Variants in EBF2 observed in about 807,000 individuals in gnomAD.
The protein encoded by EBF2 is EBF transcription factor 2, also known as transcription factor COE2.
Under a neutral mutation model 72.8 loss-of-function variants are expected in EBF2, and 21 were observed. The observed-to-expected ratio is 0.29, with a 90% CI of 0.20 to 0.42. EBF2 has a LOEUF of 0.42. EBF2 is among the 10% of genes least tolerant of loss of function. The pLI is 1.00. For synonymous variants in EBF2, 299 were observed against 274.2 expected, an observed-to-expected ratio of 1.09 and a Z score of -0.89; for missense variants, 637 against 731.2, an observed-to-expected ratio of 0.87 and a Z score of 1.49.
At chr8:25,889,712 A>C in intron 8 of EBF2, 40 bp downstream of exon 8, 1 of 1,495,588 alleles carries the variant, frequency 6.7e-7, no homozygotes, top group Non-Finnish European at 9.3e-7. Flanking sequence ...ATTCGTGGAG[A>C]ATTTCATGTG....
intron 6 of EBF2, among the ~76,000 whole-genome samples, chr8:25,987,702 C>T (rs754166332): frequency 2.6e-5 from 4 of 152,138 alleles, no homozygotes; most frequent in Non-Finnish European, 5.9e-5. Context: ...TTGAATGCTT[C>T]TGTATCGTGC....
At chr8:25,857,917 A>T (rs575136462) in intron 14 of EBF2, 2 of 349,536 alleles carry the variant, frequency 5.7e-6, no homozygotes, top group South Asian at 4.7e-5. Flanking sequence ...CAGCAAAGCC[A>T]AACTTCCTTG....
At chr8:25,970,517 C>A (rs954133335) in intron 6 of EBF2, among the ~76,000 whole-genome samples, 1 of 152,052 alleles carries the variant, frequency 6.6e-6, no homozygotes, top group Non-Finnish European at 1.5e-5. Flanking sequence ...CTCCCCAACA[C>A]CCCCTCCCCA....
rs576932962 is a variant in EBF2, at chr8:26,018,624, T to C, written c.551+14461A>G. On this transcript the variant is annotated intron_variant, in intron 6 of 15. Transcript: ENST00000520164. ...AGGCGGAGGTTGCAGTGAGCCGAGA[T>C]TGTGCCACTGCACTCCAGCCTGGGT... Among the ~76,000 whole-genome samples the C allele has an allele frequency of 2.0e-5, 3 of 151,748 alleles. No individual in the cohort carries two copies. In the South Asian group the frequency reaches 6.3e-4, roughly 32 times the overall value.
intron 10 of EBF2, among the ~76,000 whole-genome samples, chr8:25,879,637 A>G: frequency 6.6e-6 from 1 of 151,790 alleles, no homozygotes; most frequent in Non-Finnish European, 1.5e-5. Context: ...GGGACAGCCC[A>G]CTCTCCTGGT....
intron 6 of EBF2, among the ~76,000 whole-genome samples, chr8:25,986,017 A>AAAAAAAAAG (rs1804448165): frequency 1.3e-5 from 2 of 149,566 alleles, no homozygotes; most frequent in African/African-American, 2.5e-5. Context: ...AAAAAAAAAA[A>AAAAAAAAAG]AAAAAAAAGT....
At chr8:25,987,492 C>A (rs1202415472) in intron 6 of EBF2, among the ~76,000 whole-genome samples, 1 of 152,142 alleles carries the variant, frequency 6.6e-6, no homozygotes. Flanking sequence ...AAAACACAAC[C>A]ATCGTATCAC....
chr8:25,892,635 T>C (rs898439656), intron 7 of EBF2, among the ~76,000 whole-genome samples: 1 of 152,208 alleles, frequency 6.6e-6, no homozygotes, highest in Non-Finnish European at 1.5e-5. Flanking sequence ...CATAATAGGT[T>C]TGGGAAAATC....
At chr8:25,959,591 T>C (rs1407730591) in intron 6 of EBF2, among the ~76,000 whole-genome samples, 2 of 152,212 alleles carry the variant, frequency 1.3e-5, no homozygotes, top group Non-Finnish European at 2.9e-5. Flanking sequence ...TTCTCATTTG[T>C]TGTTTGGGGG....
intron 6 of EBF2, among the ~76,000 whole-genome samples, chr8:26,027,101 C>T (rs1225065669): frequency 6.6e-6 from 1 of 152,138 alleles, no homozygotes; most frequent in East Asian, 1.9e-4. Flanking sequence ...GTAATGGTCA[C>T]CTTGCAGACA....
At chr8:25,974,940 C>A (rs898283993) in intron 6 of EBF2, among the ~76,000 whole-genome samples, 2 of 152,116 alleles carry the variant, frequency 1.3e-5, no homozygotes, top group African/African-American at 4.8e-5. Flanking sequence ...TACCGGCTGC[C>A]CCGCCCCTCT....
intron 6 of EBF2, among the ~76,000 whole-genome samples, chr8:26,008,136 G>T (rs1191136500): frequency 6.6e-6 from 1 of 151,884 alleles, no homozygotes; most frequent in African/African-American, 2.4e-5. Context: ...ATACAAGATG[G>T]ACTTCAGTGA....
intron 6 of EBF2, among the ~76,000 whole-genome samples, chr8:25,960,933 C>T (rs557150207): frequency 3.9e-5 from 6 of 152,090 alleles, no homozygotes; most frequent in African/African-American, 9.7e-5. Flanking sequence ...AATGCACACA[C>T]GTAAATATAA....
chr8:25,979,908 C>G (rs191517330), intron 6 of EBF2, among the ~76,000 whole-genome samples: 3 of 152,042 alleles, frequency 2.0e-5, no homozygotes, highest in African/African-American at 4.8e-5. Context: ...ATCCCCTCCC[C>G]CTTTTAGCAA....
At chr8:25,958,773 A>T (rs1465474403) in intron 6 of EBF2, among the ~76,000 whole-genome samples, 1 of 151,944 alleles carries the variant, frequency 6.6e-6, no homozygotes, top group African/African-American at 2.4e-5. Flanking sequence ...CCCTTTCTTT[A>T]TTTCCCTCCC....
chr8:25,982,459 C>T (rs1172381622), intron 6 of EBF2, among the ~76,000 whole-genome samples: 1 of 152,200 alleles, frequency 6.6e-6, no homozygotes, highest in African/African-American at 2.4e-5. Flanking sequence ...GCCCCTTGAA[C>T]CTCCACCAAA....
intron 7 of EBF2, among the ~76,000 whole-genome samples, chr8:25,906,247 T>C (rs1803029474): frequency 6.6e-6 from 1 of 152,212 alleles, no homozygotes; most frequent in South Asian, 2.1e-4. Context: ...TAGGATGGAA[T>C]AAAAATCCAA....
intron 6 of EBF2, among the ~76,000 whole-genome samples, chr8:25,958,001 C>T (rs1300501028): frequency 6.6e-6 from 1 of 152,218 alleles, no homozygotes; most frequent in Non-Finnish European, 1.5e-5. Context: ...AGCTTCCTTG[C>T]ACAGCCAAGG....
At chr8:26,033,892 A>T (rs1312059512) in intron 5 of EBF2, among the ~76,000 whole-genome samples, 2 of 152,120 alleles carry the variant, frequency 1.3e-5, no homozygotes, top group African/African-American at 4.8e-5. Context: ...TCAAATTCTC[A>T]CTCTGTGACT....
Sources: allele counts gnomAD v4.1 joint callset (sites outside exome capture counted in the v4.1 genomes callset), GRCh38; gene constraint gnomAD v4.1.1; transcripts MANE v1.5; gene names NCBI Gene and HGNC (gene_info 2026-07-23, HGNC 2026-07-21).